The following TCF7L2 variants were observed in gnomAD, a reference collection of about 807,000 sequenced individuals.
TCF7L2 encodes transcription factor 7 like 2.
TCF7L2 carries 23 observed loss-of-function variants against 77.9 expected under a neutral mutation model. That is an observed-to-expected ratio of 0.30 (90% CI 0.21 to 0.42). The LOEUF is 0.42. Among genes scored for constraint, TCF7L2 ranks in the 10% least tolerant of loss-of-function variants. TCF7L2 has a pLI of 1.00. For missense variants in TCF7L2, 654 were observed against 793.1 expected, an observed-to-expected ratio of 0.82 and a Z score of 2.11; for synonymous variants, 413 against 340.2, an observed-to-expected ratio of 1.21 and a Z score of -2.36.
At chr10:112,993,924 G>T (rs746179602) in intron 4 of TCF7L2, among the ~76,000 whole-genome samples, 1 of 152,012 alleles carries the variant, frequency 6.6e-6, no homozygotes, top group Non-Finnish European at 1.5e-5. Flanking sequence ...GCGTGGTGGC[G>T]CATGCCTGTA....
chr10:112,988,420 GT>G (rs2041957020), intron 4 of TCF7L2, among the ~76,000 whole-genome samples: 1 of 152,180 alleles, frequency 6.6e-6, no homozygotes, highest in African/African-American at 2.4e-5. Context: ...TTGAGCTTCT[GT>G]CTTATGTACC....
At chr10:113,107,858 C>T (rs1434329929) in intron 5 of TCF7L2, among the ~76,000 whole-genome samples, 1 of 150,178 alleles carries the variant, frequency 6.7e-6, no homozygotes, top group Non-Finnish European at 1.5e-5. Context: ...TTTCTTAAAG[C>T]AGCCTATATT....
Position 113,165,979 on chromosome 10 carries a change from C to T in TCF7L2, c.*7C>T, listed in dbSNP as rs368555957. On this transcript the variant is annotated 3_prime_UTR_variant, in exon 14 of 14. Coordinates refer to ENST00000627217, the MANE Select transcript of TCF7L2 (RefSeq NM_001146274.2). Reference sequence around the variant, plus strand: ...CACCAAGTCTTTAGAATAGCTTTAGCGTCGTGAACCCCGCTGCTTTGTTTA... The same window carrying T: ...CACCAAGTCTTTAGAATAGCTTTAGTGTCGTGAACCCCGCTGCTTTGTTTA... 2.1e-5 allele frequency: 31 copies of T among 1,493,192 alleles called. No homozygotes were observed. Among genetic ancestry groups the T allele is most frequent in the Non-Finnish European group, 2.6e-5 (29 of 1,119,870 alleles). The allele number at this position is 1,493,192 out of a possible 1,614,324, so 92.5% of individuals were successfully genotyped here. A position where few individuals can be genotyped will look rare whatever the true frequency, so the allele number is the denominator to read the frequency against.
chr10:113,130,716 TACTCTCTTCA>T (rs2066444330), intron 5 of TCF7L2, among the ~76,000 whole-genome samples: 2 of 152,084 alleles, frequency 1.3e-5, no homozygotes, highest in African/African-American at 4.8e-5. Flanking sequence ...GGATCCATTA[TACTCTCTTCA>T]ACTGTGTGGT....
At chr10:113,134,023 A>C (rs1027250958) in intron 5 of TCF7L2, among the ~76,000 whole-genome samples, 1 of 152,196 alleles carries the variant, frequency 6.6e-6, no homozygotes, top group Admixed American at 6.5e-5. Flanking sequence ...TGTTTCTCCA[A>C]GTAAAACTCG....
Position 113,166,824 on chromosome 10 carries a change from T to C in TCF7L2, c.*852T>C, listed in dbSNP as rs919895223. The C allele has an allele frequency of 8.8e-6, 2 of 227,576 alleles. No individual in the cohort carries two copies. Among genetic ancestry groups the C allele is most frequent in the South Asian group, 3.7e-4 (2 of 5,464 alleles). The allele number at this position is 227,576 out of a possible 1,614,324, so 14.1% of individuals were successfully genotyped here. On this transcript the variant is annotated 3_prime_UTR_variant, in exon 14 of 14. Coordinates refer to ENST00000627217, the MANE Select transcript of TCF7L2 (RefSeq NM_001146274.2). ...ATATTTTTGTTTCCCCTTTTTGACT[T>C]TTTTTTTTCTGTATGAAACCCAGAT...
intron 5 of TCF7L2, among the ~76,000 whole-genome samples, chr10:113,134,904 A>T (rs146653005): frequency 1.8e-4 from 27 of 152,296 alleles, no homozygotes; most frequent in Non-Finnish European, 3.5e-4. Flanking sequence ...TCCTAAAGGC[A>T]CTTTCTGGCC....
chr10:113,003,648 C>CATAG (rs2044926196), intron 4 of TCF7L2, among the ~76,000 whole-genome samples: 1 of 152,216 alleles, frequency 6.6e-6, no homozygotes, highest in African/African-American at 2.4e-5. Flanking sequence ...AACCACTGAG[C>CATAG]ATAGCAATTG....
At position 113,160,444 on chromosome 10, in the gene TCF7L2, A is replaced by AT. The variant is rs952210407; in HGVS notation, c.1319-167dup. On this transcript the variant is annotated intron_variant, in intron 12 of 13. Transcript: ENST00000627217. ...GTGTGTTTTATTGTTTTATTTTATT[A>AT]TTTTTTTTCTTTTGGCTCATAGAAG... 3.1e-4 allele frequency among the ~76,000 whole-genome samples: 46 copies of AT among 149,776 alleles called. No homozygotes were observed. In the Middle Eastern group the frequency reaches 0.014, roughly 45 times the overall value.
At chr10:112,989,825 G>T (rs112516596) in intron 4 of TCF7L2, among the ~76,000 whole-genome samples, 1 of 152,112 alleles carries the variant, frequency 6.6e-6, no homozygotes, top group Non-Finnish European at 1.5e-5. Context: ...GTTTCAGGGG[G>T]TTCTGGCTCA....
chr10:113,166,271 A>C lies in TCF7L2; in HGVS notation c.*299A>C, dbSNP rs1256687620. 3.6e-6 allele frequency: 1 copy of C among 278,974 alleles called. No homozygotes were observed. Among genetic ancestry groups the C allele is most frequent in the Non-Finnish European group, 6.6e-6 (1 of 150,674 alleles). The allele number at this position is 278,974 out of a possible 1,614,324, so 17.3% of individuals were successfully genotyped here. ...ATATATATATACATAACTGTTATGT[A>C]GTTCGGATAGCTTAGTTTTAAAAGA... On this transcript the variant is annotated 3_prime_UTR_variant, in exon 14 of 14. Transcript: ENST00000627217.
At position 113,165,708 on chromosome 10, in the gene TCF7L2, G is replaced by T. The variant is rs375237374; in HGVS notation, c.1545G>T (p.Gln515His). Residue 515 changes from glutamine (Q) to histidine (H), a missense_variant, in exon 14 of 14, where the codon CAG (glutamine) becomes CAT (histidine). By Grantham distance (24) the Gln-to-His change is conservative (BLOSUM62 0). This residue lies in a region of TCF7L2 where 272 missense variants were observed against 215.4 expected (regional missense o/e 1.26). Coordinates refer to ENST00000627217, the MANE Select transcript of TCF7L2 (RefSeq NM_001146274.2). ...CCAAGTCACAGACTGAGCAGACCCA[G>T]CCTCTGTCGCTGTCCCTGAAGCCCG... The T allele has an allele frequency of 5.2e-6, 8 of 1,552,778 alleles. No homozygotes were observed. The highest frequency in any genetic ancestry group is 7.0e-6 in the Non-Finnish European group (8 of 1,145,806).
chr10:113,126,356 G>A (rs540100289), intron 5 of TCF7L2, among the ~76,000 whole-genome samples: 1 of 152,180 alleles, frequency 6.6e-6, no homozygotes, highest in South Asian at 2.1e-4. Flanking sequence ...TTCCTCCCCT[G>A]CCTTCTCTGA....
chr10:113,026,172 C>T (rs1031106886), intron 4 of TCF7L2, among the ~76,000 whole-genome samples: 3 of 151,164 alleles, frequency 2.0e-5, no homozygotes, highest in African/African-American at 7.3e-5. Flanking sequence ...AGCCACTGCG[C>T]CTGGCCTACC....
At chr10:113,095,738 A>T (rs767425899) in intron 5 of TCF7L2, among the ~76,000 whole-genome samples, 1 of 152,210 alleles carries the variant, frequency 6.6e-6, no homozygotes, top group East Asian at 1.9e-4. Context: ...TATACTAAGC[A>T]GGAAGCCCAG....
chr10:112,962,922 T>G (rs1233576340), intron 3 of TCF7L2, among the ~76,000 whole-genome samples: 2 of 152,176 alleles, frequency 1.3e-5, no homozygotes, highest in Non-Finnish European at 2.9e-5. Context: ...AGATACTGCT[T>G]CTGAGTATGT....
chr10:113,078,108 C>G (rs2058922397), intron 5 of TCF7L2, among the ~76,000 whole-genome samples: 1 of 143,816 alleles, frequency 7.0e-6, no homozygotes. Context: ...ACCCATTCAT[C>G]AGTTGATGGC....
intron 5 of TCF7L2, among the ~76,000 whole-genome samples, chr10:113,057,045 T>C (rs1001157272): frequency 1.3e-5 from 2 of 152,212 alleles, no homozygotes; most frequent in Non-Finnish European, 2.9e-5. Flanking sequence ...AAGATCTTTT[T>C]ATTTGTTCTT....
intron 5 of TCF7L2, chr10:113,129,711 C>G (rs770310750): frequency 8.3e-7 from 1 of 1,204,894 alleles, no homozygotes; most frequent in Non-Finnish European, 1.0e-6. Flanking sequence ...TTTTTCAGTT[C>G]TTTAAGTGAA....
Sources: allele counts gnomAD v4.1 joint callset (sites outside exome capture counted in the v4.1 genomes callset), GRCh38; gene constraint gnomAD v4.1.1; regional missense constraint gnomAD v4.1.1; transcripts MANE v1.5; gene names NCBI Gene and HGNC (gene_info 2026-07-23, HGNC 2026-07-21).